CFAP53: variants seen among roughly 807,000 people sequenced by gnomAD.
CFAP53 encodes the protein cilia and flagella associated protein 53, also known as cilia- and flagella-associated protein 53.
Under a neutral mutation model 59.7 loss-of-function variants are expected in CFAP53, and 62 were observed. The observed-to-expected ratio is 1.04, with a 90% CI of 0.85 to 1.28. The LOEUF is 1.28. CFAP53 is among the 50% of genes most tolerant of loss of function. The pLI is 0.00. For missense variants in CFAP53, 629 were observed against 615.6 expected, an observed-to-expected ratio of 1.02 and a Z score of -0.23; for synonymous variants, 218 against 205.7, an observed-to-expected ratio of 1.06 and a Z score of -0.51.
rs2033799713 is a variant in CFAP53, at chr18:50,251,526, T to C, written c.732A>G (p.Gln244=). The change falls in exon 4 of 8, where the codon CAA becomes CAG. Residue 244 remains glutamine (Q), a synonymous_variant. Transcript: ENST00000398545. ...CCTTCAGCAGCTGTGTCGCCTGCCT[T>C]TGTGCCTTGATGCTGGTGATCTGGG... is the stretch of plus-strand genomic sequence containing the variant. ...LNAQITSIKA[Q]RQATQLLKEE... 1 of 1,614,132 alleles carries C rather than the reference T, an allele frequency of 6.2e-7. No individual in the cohort carries two copies. Among genetic ancestry groups the C allele is most frequent in the South Asian group, 1.1e-5 (1 of 91,088 alleles).
intron 1 of CFAP53, among the ~76,000 whole-genome samples, chr18:50,262,748 GTATA>G (rs758772734): frequency 2.6e-5 from 4 of 152,050 alleles, no homozygotes; most frequent in Admixed American, 2.0e-4. Context: ...ATGTGTGTGT[GTATA>G]TATATGTGTA....
At chr18:50,233,445 C>T (rs939379952) in intron 7 of CFAP53, among the ~76,000 whole-genome samples, 3 of 152,156 alleles carry the variant, frequency 2.0e-5, no homozygotes, top group Non-Finnish European at 2.9e-5. Context: ...TTTACGACTG[C>T]TATTTGCAAG....
rs148124201 is a variant in CFAP53, at chr18:50,245,951, C to T, written c.997-2835G>A. On this transcript the variant is annotated intron_variant, in intron 5 of 7. Coordinates refer to ENST00000398545, the MANE Select transcript of CFAP53 (RefSeq NM_145020.5). ...TGTTGCTCGGGCTGGAGTGCAATGA[C>T]ACGATCTCAGCTCACTGCAACGTCC... Among the ~76,000 whole-genome samples the T allele has an allele frequency of 7.0e-3, 1,065 of 152,178 alleles. 5 individuals carry two copies. The highest frequency in any genetic ancestry group is 0.012 in the Non-Finnish European group (837 of 68,016).
Position 50,262,255 on chromosome 18 carries a change from C to T in CFAP53, c.70-36G>A, listed in dbSNP as rs991253279. On this transcript the variant is annotated intron_variant, in intron 1 of 7. Coordinates refer to ENST00000398545, the MANE Select transcript of CFAP53 (RefSeq NM_145020.5). ...AAACCAACTATCACTTATAATAAGC[C>T]AAAGAATCAACTGCATATTTTCAAT... 3.9e-6 allele frequency: 6 copies of T among 1,532,502 alleles called. No individual in the cohort carries two copies. In the African/African-American group the frequency reaches 5.5e-5, roughly 14 times the overall value. The allele number at this position is 1,532,502 out of a possible 1,614,324, so 94.9% of individuals were successfully genotyped here.
At chr18:50,243,825 G>A (rs1334945121) in intron 5 of CFAP53, among the ~76,000 whole-genome samples, 5 of 152,054 alleles carry the variant, frequency 3.3e-5, no homozygotes, top group Admixed American at 6.6e-5. Flanking sequence ...GGTGGTGGGC[G>A]CCTGTAGTCC....
At chr18:50,227,713 C>T (rs951490662) in intron 7 of CFAP53, 104 bp from the exon 8 acceptor site, 31 of 898,344 alleles carry the variant, frequency 3.5e-5, no homozygotes, top group Non-Finnish European at 5.0e-5. Context: ...AATTAAATTC[C>T]CATTAAAATC....
chr18:50,251,969 A>G (rs926251682), intron 3 of CFAP53, among the ~76,000 whole-genome samples, 185 bp from the exon 4 acceptor site: 1 of 152,204 alleles, frequency 6.6e-6, no homozygotes, highest in African/African-American at 2.4e-5. Context: ...CAGCCTGACT[A>G]TGAAAACTGG....
chr18:50,231,811 C>G (rs1328958871), intron 7 of CFAP53, among the ~76,000 whole-genome samples: 1 of 152,276 alleles, frequency 6.6e-6, no homozygotes, highest in East Asian at 1.9e-4. Context: ...TTGGGTGACT[C>G]AGACACTCTT....
At chr18:50,254,372 C>G (rs2033828296) in intron 3 of CFAP53, among the ~76,000 whole-genome samples, 1 of 152,026 alleles carries the variant, frequency 6.6e-6, no homozygotes, top group Non-Finnish European at 1.5e-5. Context: ...AAAAGTTGCT[C>G]AACATCACCA....
intron 7 of CFAP53, among the ~76,000 whole-genome samples, chr18:50,237,990 A>C (rs2144407343): frequency 6.6e-6 from 1 of 152,326 alleles, no homozygotes; most frequent in Middle Eastern, 3.4e-3. Context: ...CTATTTTATT[A>C]GGATTTAAGG....
At chr18:50,250,734 G>A (rs777299096) in intron 5 of CFAP53, 24 bp downstream of exon 5, 1 of 1,575,132 alleles carries the variant, frequency 6.3e-7, no homozygotes, top group African/African-American at 1.3e-5. Context: ...CCAGCAGGTA[G>A]CAGGCACCAA....
chr18:50,231,746 C>T (rs1366287170), intron 7 of CFAP53, among the ~76,000 whole-genome samples: 1 of 152,182 alleles, frequency 6.6e-6, no homozygotes, highest in Non-Finnish European at 1.5e-5. Context: ...AGTCCCTAAT[C>T]CCTACGTGTG....
At chr18:50,240,624 C>G (rs1250901395) in intron 6 of CFAP53, among the ~76,000 whole-genome samples, 1 of 152,234 alleles carries the variant, frequency 6.6e-6, no homozygotes, top group Non-Finnish European at 1.5e-5. Context: ...TCATCTCTCT[C>G]TGTGCTGACT....
chr18:50,249,023 C>T (rs1226993679), intron 5 of CFAP53, among the ~76,000 whole-genome samples: 3 of 149,964 alleles, frequency 2.0e-5, no homozygotes, highest in African/African-American at 4.9e-5. Context: ...GCCAACGTGG[C>T]GAAACGCTGT....
intron 6 of CFAP53, among the ~76,000 whole-genome samples, chr18:50,241,650 C>T (rs1360255213): frequency 2.0e-5 from 3 of 151,884 alleles, no homozygotes; most frequent in Non-Finnish European, 2.9e-5. Context: ...ACCATGATGG[C>T]GACCTCAAGC....
In CFAP53 at chr18:50,250,939, T is replaced by A. The variant is rs2033792630; in HGVS notation, c.815A>T (p.Gln272Leu). Residue 272 changes from glutamine to leucine, a missense_variant, in exon 5 of 8, where the codon CAG (glutamine) becomes CTG (leucine). Physicochemically the swap from Gln to Leu is moderately radical, Grantham distance 113. Transcript: ENST00000398545. Reference sequence around the variant, plus strand: ...TGCCTTCTGTTTCTTTAGCATATCCTGTTCATTCTCATGTTTAATCTGTGC... The same window carrying A: ...TGCCTTCTGTTTCTTTAGCATATCCAGTTCATTCTCATGTTTAATCTGTGC... ...NNAQIKHENEQDMLKKQKAKQ... is the reference protein window; with the variant it reads ...NNAQIKHENELDMLKKQKAKQ... 6.2e-7 allele frequency: 1 copy of A among 1,614,206 alleles called. No individual in the cohort carries two copies. The highest frequency in any genetic ancestry group is 1.7e-4 in the Middle Eastern group (1 of 6,056).
chr18:50,263,775 T>C (rs2033914799), intron 1 of CFAP53, among the ~76,000 whole-genome samples: 2 of 152,136 alleles, frequency 1.3e-5, no homozygotes, highest in Admixed American at 6.6e-5. Flanking sequence ...GCTCCAGTTG[T>C]CAGGACAGGA....
intron 3 of CFAP53, among the ~76,000 whole-genome samples, chr18:50,258,796 A>AT (rs1410290537): frequency 6.6e-6 from 1 of 152,230 alleles, no homozygotes; most frequent in Non-Finnish European, 1.5e-5. Flanking sequence ...TGGACAAAAG[A>AT]TTTCAACAGA....
At chr18:50,247,287 TA>T (rs539521213) in intron 5 of CFAP53, among the ~76,000 whole-genome samples, 6 of 151,426 alleles carry the variant, frequency 4.0e-5, no homozygotes, top group African/African-American at 1.2e-4. Context: ...CTGGGTAAAA[TA>T]AAAAAAACAG....
Sources: allele counts gnomAD v4.1 joint callset (sites outside exome capture counted in the v4.1 genomes callset), GRCh38; gene constraint gnomAD v4.1.1; transcripts MANE v1.5; gene names NCBI Gene and HGNC (gene_info 2026-07-23, HGNC 2026-07-21).